Variants in HTR2A observed in about 807,000 individuals in gnomAD.
HTR2A encodes the protein 5-hydroxytryptamine receptor 2A, also known as 5-HT2 receptor.
In HTR2A, 14 loss-of-function variants were observed where a neutral mutation model predicts 31.0. The ratio of observed to expected loss-of-function variants is 0.45; its 90% CI spans 0.30 to 0.71. The LOEUF (loss-of-function observed/expected upper bound fraction) is 0.71, where lower values mean the gene tolerates loss of function less well. Among genes scored for constraint, HTR2A ranks in the 30% least tolerant of loss-of-function variants. The pLI, the probability that HTR2A is intolerant of heterozygous loss-of-function variation, is 0.09. For missense variants in HTR2A, 442 were observed against 573.3 expected (o/e 0.77, Z 2.34); for synonymous variants, 209 against 225.2 (o/e 0.93, Z 0.64).
intron 2 of HTR2A, among the ~76,000 whole-genome samples, chr13:46,894,689 G>A (rs1951087391): frequency 6.6e-6 from 1 of 152,190 alleles, no homozygotes; most frequent in Non-Finnish European, 1.5e-5. Context: ...CTCCTTTAAG[G>A]AGGTATCTGG....
intron 3 of HTR2A, among the ~76,000 whole-genome samples, chr13:46,856,532 C>T (rs1166121429): frequency 3.3e-5 from 5 of 151,706 alleles, no homozygotes; most frequent in Admixed American, 6.6e-5. Flanking sequence ...TTGGGTATAC[C>T]TTAAAGACGA....
intron 3 of HTR2A, among the ~76,000 whole-genome samples, chr13:46,856,531 C>A (rs1473244187): frequency 6.6e-6 from 1 of 151,774 alleles, no homozygotes. Flanking sequence ...CTTGGGTATA[C>A]CTTAAAGACG....
chr13:46,852,040 A>G (rs1950688335), intron 3 of HTR2A: 1 of 152,250 alleles, frequency 6.6e-6, no homozygotes, highest in South Asian at 2.1e-4. Context: ...AGCAGGATTC[A>G]ATCTGTACTG....
chr13:46,844,986 T>C (rs1950629568), intron 3 of HTR2A, among the ~76,000 whole-genome samples: 1 of 152,102 alleles, frequency 6.6e-6, no homozygotes, highest in Non-Finnish European at 1.5e-5. Flanking sequence ...AAAAGACCTT[T>C]GAGACATTTC....
chr13:46,875,089 G>A (rs1950897747), intron 3 of HTR2A, among the ~76,000 whole-genome samples: 1 of 152,152 alleles, frequency 6.6e-6, no homozygotes, highest in Non-Finnish European at 1.5e-5. Flanking sequence ...GTAGCAACTG[G>A]GTCATGTCCA....
chr13:46,894,712 T>A (rs960641570), intron 2 of HTR2A, among the ~76,000 whole-genome samples: 1 of 152,228 alleles, frequency 6.6e-6, no homozygotes, highest in African/African-American at 2.4e-5. Context: ...GTATTACTCA[T>A]AATTTGGAAA....
chr13:46,895,930 A>G lies in HTR2A; in HGVS notation c.-24T>C. The stretch of plus-strand genomic sequence containing the variant: ...ATGTCTAAGCCAGAACTTGTAGCAG[A>G]TGAGGTGTAGAAGGACTAACAGGTT... On this transcript the variant is annotated 5_prime_UTR_variant, in exon 2 of 4. Coordinates refer to ENST00000542664, the MANE Select transcript of HTR2A (RefSeq NM_000621.5). The surrounding 1 kb of genome is among the most constrained non-coding windows in gnomAD (Gnocchi z 4.4). 1 of 1,590,114 alleles carries G rather than the reference A, an allele frequency of 6.3e-7. No individual in the cohort carries two copies. The highest frequency in any genetic ancestry group is 8.6e-7 in the Non-Finnish European group (1 of 1,168,644).
intron 3 of HTR2A, among the ~76,000 whole-genome samples, chr13:46,843,087 C>A (rs1227568145): frequency 6.6e-6 from 1 of 152,184 alleles, no homozygotes; most frequent in Non-Finnish European, 1.5e-5. Context: ...ATGCTCTGTG[C>A]CCATAAGTCA....
chr13:46,879,598 G>T (rs1370293403), intron 3 of HTR2A, among the ~76,000 whole-genome samples: 1 of 152,158 alleles, frequency 6.6e-6, no homozygotes, highest in Non-Finnish European at 1.5e-5. Flanking sequence ...GAAGATGGGA[G>T]TAGAAAAAAA....
rs1200404678 is a variant in HTR2A at position 46,895,146 on chromosome 13, A to G, written c.412+349T>C. The stretch of plus-strand genomic sequence containing the variant: ...AAAGAAGCAAAAATCAAGTAGATTC[A>G]GAATGATGGGTAAGTTATTGGTTTA... On this transcript the variant is annotated intron_variant, in intron 2 of 3. Coordinates refer to ENST00000542664, the MANE Select transcript of HTR2A (RefSeq NM_000621.5). This position sits in a 1 kb window ranked among gnomAD's most constrained non-coding sequence, Gnocchi z 4.4. Among the ~76,000 whole-genome samples the G allele has an allele frequency of 6.6e-6, 1 of 152,264 alleles. No homozygotes were observed. The highest frequency in any genetic ancestry group is 1.5e-5 in the Non-Finnish European group (1 of 68,052).
At chr13:46,894,249 C>T (rs890418671) in intron 2 of HTR2A, among the ~76,000 whole-genome samples, 1 of 152,234 alleles carries the variant, frequency 6.6e-6, no homozygotes, top group Admixed American at 6.5e-5. Flanking sequence ...CCAGGGGGCG[C>T]CCTTGCTCCC....
intron 3 of HTR2A, among the ~76,000 whole-genome samples, chr13:46,854,897 A>G (rs1306861091): frequency 6.6e-6 from 1 of 152,204 alleles, no homozygotes; most frequent in African/African-American, 2.4e-5. Flanking sequence ...GATCAAGTTA[A>G]GGTTAAGTAA....
chr13:46,884,739 C>T (rs1328683), intron 3 of HTR2A, among the ~76,000 whole-genome samples: 30,766 of 152,104 alleles, frequency 0.2, 3,579 homozygotes, highest in East Asian at 0.34. Context: ...ACAATCCTGC[C>T]ATTCTTTCTA....
At chr13:46,896,277 TTAAC>T in intron 1 of HTR2A, 43 bp from the exon 2 acceptor site, 1 of 1,062,604 alleles carries the variant, frequency 9.4e-7, no homozygotes, top group Non-Finnish European at 1.1e-6. Flanking sequence ...GGACTCTTGT[TTAAC>T]TATATCTCAT....
intron 3 of HTR2A, among the ~76,000 whole-genome samples, chr13:46,876,404 A>ATATATTT (rs1325081559): frequency 1.4e-5 from 1 of 71,294 alleles, no homozygotes; most frequent in African/African-American, 5.0e-5. Flanking sequence ...ATATATATAT[A>ATATATTT]TTTTTTTTTT....
intron 3 of HTR2A, among the ~76,000 whole-genome samples, chr13:46,876,357 G>C (rs1486896444): frequency 2.1e-5 from 3 of 144,108 alleles, no homozygotes; most frequent in Non-Finnish European, 4.5e-5. Flanking sequence ...CAATTGTAAG[G>C]CATTTGCTGT....
At position 46,894,540 on chromosome 13, in the gene HTR2A, T is replaced by C. The variant is rs923940343; in HGVS notation, c.412+955A>G. Among the ~76,000 whole-genome samples the C allele has an allele frequency of 3.3e-5, 5 of 152,316 alleles. No homozygotes were observed. In the Middle Eastern group the frequency reaches 0.01, roughly 311 times the overall value. On this transcript the variant is annotated intron_variant, in intron 2 of 3. Transcript: ENST00000542664. ...CGTACCGCCTTCCTCCTTCACATTCTCTAGGGCTGGGTTGATGTTTTTTAA... is the reference window on the plus strand; with the variant it reads ...CGTACCGCCTTCCTCCTTCACATTCCCTAGGGCTGGGTTGATGTTTTTTAA...
chr13:46,874,682 AC>A (rs1212133307), intron 3 of HTR2A, among the ~76,000 whole-genome samples: 1 of 152,276 alleles, frequency 6.6e-6, no homozygotes, highest in African/African-American at 2.4e-5. Context: ...GGCATCTAAC[AC>A]AAAATGGCTC....
chr13:46,892,748 G>A (rs1951064227), intron 2 of HTR2A, among the ~76,000 whole-genome samples, 158 bp from the exon 3 acceptor site: 1 of 152,222 alleles, frequency 6.6e-6, no homozygotes, highest in African/African-American at 2.4e-5. Flanking sequence ...ACTGGCAACT[G>A]TACTTAACTA....
Sources: allele counts gnomAD v4.1 joint callset (sites outside exome capture counted in the v4.1 genomes callset), GRCh38; gene constraint gnomAD v4.1.1; non-coding constraint Gnocchi (gnomAD v3.1); transcripts MANE v1.5; gene names NCBI Gene and HGNC (gene_info 2026-07-23, HGNC 2026-07-21).